Variants in ERBB4 observed in about 807,000 individuals in gnomAD.
ERBB4 encodes erb-b2 receptor tyrosine kinase 4, also known as receptor tyrosine-protein kinase erbB-4.
A neutral mutation model predicts 158.0 loss-of-function variants in ERBB4; 42 were observed. That is an observed-to-expected ratio of 0.27 (90% CI 0.21 to 0.34). ERBB4 has a LOEUF of 0.34. ERBB4 is among the 10% of genes least tolerant of loss of function. The pLI, the probability that ERBB4 is intolerant of heterozygous loss-of-function variation, is 1.00. For synonymous variants in ERBB4, 583 were observed against 558.7 expected, an observed-to-expected ratio of 1.04 and a Z score of -0.61; for missense variants, 1,333 against 1,624.1, an observed-to-expected ratio of 0.82 and a Z score of 3.08.
intron 2 of ERBB4, among the ~76,000 whole-genome samples, chr2:212,086,380 A>T (rs2078611630): frequency 6.6e-6 from 1 of 151,560 alleles, no homozygotes; most frequent in South Asian, 2.1e-4. Flanking sequence ...AAGAAAAAAT[A>T]TCTTTGGATT....
chr2:211,451,898 G>A (rs2064254771), intron 20 of ERBB4, among the ~76,000 whole-genome samples: 1 of 152,154 alleles, frequency 6.6e-6, no homozygotes, highest in Non-Finnish European at 1.5e-5. Context: ...GCAGGTACTC[G>A]AAAGTATTAG....
intron 24 of ERBB4, among the ~76,000 whole-genome samples, 193 bp from the exon 25 acceptor site, chr2:211,420,804 G>A (rs1425653947): frequency 3.3e-5 from 5 of 151,956 alleles, no homozygotes; most frequent in Non-Finnish European, 5.9e-5. Flanking sequence ...ATAGGGCCAG[G>A]TAAACAAACT....
chr2:211,439,263 T>G (rs2063923052), intron 20 of ERBB4, among the ~76,000 whole-genome samples: 1 of 152,222 alleles, frequency 6.6e-6, no homozygotes, highest in South Asian at 2.1e-4. Flanking sequence ...ACATGTATAG[T>G]GTGCCAGTTA....
Position 212,373,714 on chromosome 2 carries a change from CATATATATCCATAT to C in ERBB4, c.82+164721_82+164734del, listed in dbSNP as rs1343360078. ...ACATATATATCCATATATATATCCA[CATATATATCCATAT>C]ATATATATCCATATATATATCCATG... On this transcript the variant is annotated intron_variant, in intron 1 of 27. Transcript: ENST00000342788. Among the ~76,000 whole-genome samples, 88 of 139,486 alleles carry C rather than the reference CATATATATCCATAT, an allele frequency of 6.3e-4. 2 individuals are homozygous for C. Among genetic ancestry groups the C allele is most frequent in the African/African-American group, 2.1e-3 (79 of 37,842 alleles). 91.5% of individuals were successfully genotyped at this position (139,486 alleles called of 152,430 possible). A position where few individuals can be genotyped will look rare whatever the true frequency, so the allele number is the denominator to read the frequency against.
intron 19 of ERBB4, among the ~76,000 whole-genome samples, chr2:211,597,097 T>A (rs561619708): frequency 6.6e-6 from 1 of 152,306 alleles, no homozygotes; most frequent in South Asian, 2.1e-4. Flanking sequence ...CGAGTATTTT[T>A]ATTCACTTGT....
intron 1 of ERBB4, among the ~76,000 whole-genome samples, chr2:212,447,098 G>T (rs1044447120): frequency 3.3e-5 from 5 of 151,266 alleles, no homozygotes; most frequent in African/African-American, 1.2e-4. Context: ...CTAGGTTCAC[G>T]CCATTCTCCT....
intron 1 of ERBB4, among the ~76,000 whole-genome samples, chr2:212,304,080 T>C (rs1249874833): frequency 6.6e-6 from 1 of 151,586 alleles, no homozygotes; most frequent in African/African-American, 2.4e-5. Flanking sequence ...TTTCAAACTA[T>C]ACGTATACCA....
chr2:211,996,682 C>T (rs1236475817), intron 2 of ERBB4, among the ~76,000 whole-genome samples: 2 of 152,126 alleles, frequency 1.3e-5, no homozygotes, highest in East Asian at 3.9e-4. Context: ...ATTACTCAGG[C>T]CTTCGGTTTG....
At chr2:211,551,610 T>C (rs1574731225) in intron 20 of ERBB4, among the ~76,000 whole-genome samples, 1 of 152,188 alleles carries the variant, frequency 6.6e-6, no homozygotes, top group East Asian at 1.9e-4. Flanking sequence ...ATTTTATGTT[T>C]TCTATGATGT....
At chr2:211,744,949 A>G (rs554453746) in intron 5 of ERBB4, among the ~76,000 whole-genome samples, 6 of 152,376 alleles carry the variant, frequency 3.9e-5, no homozygotes, top group African/African-American at 1.4e-4. Flanking sequence ...AGTCATAGGG[A>G]AATAGGTCAT....
chr2:212,477,831 G>A (rs1689482705), intron 1 of ERBB4, among the ~76,000 whole-genome samples: 1 of 152,104 alleles, frequency 6.6e-6, no homozygotes, highest in African/African-American at 2.4e-5. Context: ...TTGTCACTCA[G>A]TTATTCAATA....
chr2:212,157,499 T>C (rs2081076602), intron 1 of ERBB4, among the ~76,000 whole-genome samples: 1 of 152,130 alleles, frequency 6.6e-6, no homozygotes, highest in Non-Finnish European at 1.5e-5. Context: ...GAAAGCATTT[T>C]ATATTTACTT....
intron 2 of ERBB4, among the ~76,000 whole-genome samples, chr2:212,085,651 T>C (rs2078582128): frequency 6.6e-6 from 1 of 151,906 alleles, no homozygotes; most frequent in African/African-American, 2.4e-5. Flanking sequence ...AAAATAAAAC[T>C]GGAAACTTTG....
At chr2:211,957,812 G>T (rs2125166363) in intron 2 of ERBB4, among the ~76,000 whole-genome samples, 1 of 152,174 alleles carries the variant, frequency 6.6e-6, no homozygotes, top group South Asian at 2.1e-4. Context: ...GTTTAGATGA[G>T]AAAACTGCTT....
At chr2:211,522,873 A>G (rs1451713466) in intron 20 of ERBB4, among the ~76,000 whole-genome samples, 2 of 151,930 alleles carry the variant, frequency 1.3e-5, no homozygotes, top group Admixed American at 6.6e-5. Context: ...GTACTGGGAA[A>G]CCAAAAAGTT....
At chr2:211,976,902 A>G (rs957735254) in intron 2 of ERBB4, among the ~76,000 whole-genome samples, 3 of 152,240 alleles carry the variant, frequency 2.0e-5, no homozygotes, top group African/African-American at 7.2e-5. Context: ...GTAAGAAAAT[A>G]TCAGTTTCTA....
chr2:211,513,385 A>C (rs1036093372), intron 20 of ERBB4, among the ~76,000 whole-genome samples: 2 of 148,296 alleles, frequency 1.3e-5, no homozygotes, highest in Non-Finnish European at 3.0e-5. Context: ...AACAAAAAAA[A>C]AACACTGATC....
At chr2:212,270,402 T>A (rs950704550) in intron 1 of ERBB4, among the ~76,000 whole-genome samples, 1 of 151,784 alleles carries the variant, frequency 6.6e-6, no homozygotes, top group Non-Finnish European at 1.5e-5. Context: ...TTCTCTTTCA[T>A]TCTTTACTCC....
chr2:212,298,862 C>A (rs1243648385), intron 1 of ERBB4, among the ~76,000 whole-genome samples: 1 of 151,594 alleles, frequency 6.6e-6, no homozygotes, highest in Non-Finnish European at 1.5e-5. Context: ...AAGAAGCCCT[C>A]AAAACTGGGA....
Sources: gnomAD v4.1 joint callset for allele counts (sites outside exome capture counted in the v4.1 genomes callset) on GRCh38, gnomAD v4.1.1 for gene constraint, MANE v1.5 for transcripts, NCBI Gene and HGNC (gene_info 2026-07-23, HGNC 2026-07-21) for gene names.